The following LAMA4 variants were observed in gnomAD, a reference collection of about 807,000 sequenced individuals.
The protein encoded by LAMA4 is laminin subunit alpha 4.
Under a neutral mutation model 207.1 loss-of-function variants are expected in LAMA4, and 127 were observed. That is an observed-to-expected ratio of 0.61 (90% CI 0.53 to 0.71). The LOEUF (loss-of-function observed/expected upper bound fraction) is 0.71, where lower values mean the gene tolerates loss of function less well. Among genes scored for constraint, LAMA4 ranks in the 30% least tolerant of loss-of-function variants. LAMA4 has a pLI of 0.00. For synonymous variants in LAMA4, 761 were observed against 816.0 expected, an observed-to-expected ratio of 0.93 and a Z score of 1.15; for missense variants, 2,093 against 2,246.5, an observed-to-expected ratio of 0.93 and a Z score of 1.38.
intron 18 of LAMA4, among the ~76,000 whole-genome samples, chr6:112,145,656 C>T (rs1261022558): frequency 2.0e-5 from 3 of 152,182 alleles, no homozygotes; most frequent in African/African-American, 7.2e-5. Flanking sequence ...ACCCACTCCA[C>T]TCAGACCTCA....
chr6:112,124,722 A>G (rs954201498), intron 31 of LAMA4, among the ~76,000 whole-genome samples: 8 of 152,084 alleles, frequency 5.3e-5, no homozygotes, highest in African/African-American at 1.9e-4. Flanking sequence ...GCTACTGAAG[A>G]AAAAGACAGC....
At chr6:112,158,688 T>G in intron 14 of LAMA4, 44 bp downstream of exon 14, 1 of 1,543,686 alleles carries the variant, frequency 6.5e-7, no homozygotes, top group African/African-American at 1.4e-5. Context: ...TAATATTTTA[T>G]TCACCCCATG....
chr6:112,141,266 GTA>G (rs782221365), intron 21 of LAMA4, 90 bp downstream of exon 21: 209 of 1,145,408 alleles, frequency 1.8e-4, no homozygotes, highest in African/African-American at 3.7e-4. Context: ...GGAAGACTGT[GTA>G]TGTGTGTGTG....
At chr6:112,246,538 T>C in intron 2 of LAMA4, among the ~76,000 whole-genome samples, 1 of 135,006 alleles carries the variant, frequency 7.4e-6, no homozygotes, top group East Asian at 2.1e-4. Context: ...TTTTTTTTTT[T>C]GAGATAGAGT....
chr6:112,173,648 G>A (rs1250388659), intron 11 of LAMA4, among the ~76,000 whole-genome samples: 2 of 152,030 alleles, frequency 1.3e-5, no homozygotes, highest in Non-Finnish European at 2.9e-5. Flanking sequence ...TCAGAACTGG[G>A]GCCTGAGATT....
chr6:112,175,615 T>A, intron 10 of LAMA4, 135 bp from the exon 11 acceptor site: 1 of 859,492 alleles, frequency 1.2e-6, no homozygotes, highest in Non-Finnish European at 1.9e-6. Context: ...AAAAGCAGCG[T>A]GCTAGTGTTC....
At chr6:112,145,320 C>T (rs782046709) in intron 18 of LAMA4, among the ~76,000 whole-genome samples, 4 of 152,228 alleles carry the variant, frequency 2.6e-5, no homozygotes, top group African/African-American at 4.8e-5. Flanking sequence ...GTCTTGCAGA[C>T]GGACAGAGGG....
intron 8 of LAMA4, chr6:112,186,912 G>A (rs1455830664): frequency 4.4e-6 from 2 of 455,428 alleles, no homozygotes; most frequent in Admixed American, 2.4e-5. Flanking sequence ...GTAGAGCTAT[G>A]AGGAGAAACA....
At chr6:112,146,975 T>C (rs978553131) in intron 18 of LAMA4, among the ~76,000 whole-genome samples, 13 of 152,254 alleles carry the variant, frequency 8.5e-5, no homozygotes, top group African/African-American at 2.9e-4. Context: ...TACAATCAAT[T>C]CTCTTAGAAA....
chr6:112,179,788 C>A, intron 9 of LAMA4: 1 of 339,250 alleles, frequency 2.9e-6, no homozygotes, highest in South Asian at 2.7e-5. Flanking sequence ...AGGGTAATCC[C>A]CTCCCTACAG....
Position 112,254,268 on chromosome 6 carries a change from C to G in LAMA4, c.-118G>C. On this transcript the variant is annotated 5_prime_UTR_variant, in exon 2 of 39. Coordinates refer to ENST00000230538, the MANE Select transcript of LAMA4 (RefSeq NM_001105206.3). ...TTCCCTCCTCTCCGTGTGCAGTATC[C>G]CGAGGTGGCTGCGCAACCAGCAGCT... 9 of 1,309,766 alleles carry G rather than the reference C, an allele frequency of 6.9e-6. 1 individual carries two copies. In the South Asian group the frequency reaches 1.1e-4, roughly 16 times the overall value. The allele number at this position is 1,309,766 out of a possible 1,614,324, so 81.1% of individuals were successfully genotyped here.
chr6:112,185,237 C>A lies in LAMA4; in HGVS notation c.1077G>T (p.Lys359Asn). Reference sequence around the variant, plus strand: ...AGAAACTGAATACATACATACGTACCTTTTCAACTAATTCCTCTACGTCAG... The same window carrying A: ...AGAAACTGAATACATACATACGTACATTTTCAACTAATTCCTCTACGTCAG... ...LLSDVEELVE[K>N]ENQASRKGQL... is the part of the protein sequence containing the mutation. The change falls in exon 9 of 39, where the codon AAG (lysine) becomes AAT (asparagine). Residue 359 changes from lysine to asparagine, a missense_variant and splice_region_variant. By Grantham distance (94) the Lys-to-Asn change is moderately conservative. Around this residue, in one of 3 missense-constraint regions of LAMA4, gnomAD observed 1,704 missense variants for 1,788.4 expected, o/e 0.95. Transcript: ENST00000230538. The A allele has an allele frequency of 6.3e-7, 1 of 1,578,456 alleles. No individual in the cohort carries two copies. Among genetic ancestry groups the A allele is most frequent in the Non-Finnish European group, 8.7e-7 (1 of 1,147,658 alleles).
In LAMA4 at chr6:112,140,888, G is replaced by A. The variant is rs1554332993; in HGVS notation, c.2848C>T (p.Pro950Ser). Residue 950 changes from proline (P) to serine (S), a missense_variant, in exon 22 of 39, where the codon CCG becomes TCG. Physicochemically the swap from Pro to Ser is moderately conservative, Grantham distance 74. Around this residue, in one of 3 missense-constraint regions of LAMA4, gnomAD observed 1,704 missense variants for 1,788.4 expected, o/e 0.95. Transcript: ENST00000230538. ...GKHGKVFLTV[P>S]SLSSTAEEKF... ...TCCTCTGCTGTGCTACTTAGACTCG[G>A]GACTGTTAAAAACACCTTTCCATGT... 3 of 1,613,556 alleles carry A rather than the reference G, an allele frequency of 1.9e-6. No homozygotes were observed. The highest frequency in any genetic ancestry group is 2.5e-6 in the Non-Finnish European group (3 of 1,179,748).
chr6:112,182,656 A>T (rs918921299), intron 9 of LAMA4, among the ~76,000 whole-genome samples: 1 of 152,184 alleles, frequency 6.6e-6, no homozygotes. Context: ...GAGATGGTGC[A>T]GTACCTCCTG....
chr6:112,109,171 A>G lies in LAMA4; in HGVS notation c.*266T>C, dbSNP rs1777562872. On this transcript the variant is annotated 3_prime_UTR_variant, in exon 39 of 39. Transcript: ENST00000230538. The stretch of plus-strand genomic sequence containing the variant: ...CTATTTTATTAGAAACAGAAACAGT[A>G]ATTTCACCAGTAGGAATTGCGTGTG... 4.2e-6 allele frequency: 2 copies of G among 477,460 alleles called. No individual in the cohort carries two copies. Among genetic ancestry groups the G allele is most frequent in the Non-Finnish European group, 7.6e-6 (2 of 262,408 alleles). 29.6% of individuals were successfully genotyped at this position (477,460 alleles called of 1,614,324 possible). A position where few individuals can be genotyped will look rare whatever the true frequency, so the allele number is the denominator to read the frequency against.
At chr6:112,165,424 A>T (rs1781330191) in intron 12 of LAMA4, 148 bp from the exon 13 acceptor site, 1 of 705,070 alleles carries the variant, frequency 1.4e-6, no homozygotes, top group Admixed American at 1.9e-5. Context: ...GCCTTTGGGG[A>T]ATGCTACCTG....
At chr6:112,133,312 G>A in intron 27 of LAMA4, 37 bp downstream of exon 27, 1 of 1,607,312 alleles carries the variant, frequency 6.2e-7, no homozygotes, top group Non-Finnish European at 8.5e-7. Flanking sequence ...GATAAGTATT[G>A]TGTCTATTAA....
At position 112,132,828 on chromosome 6, in the gene LAMA4, G is replaced by A; in HGVS notation, c.3759C>T (p.Phe1253=). The A allele has an allele frequency of 1.9e-6, 3 of 1,612,502 alleles. No homozygotes were observed. The highest frequency in any genetic ancestry group is 2.5e-6 in the Non-Finnish European group (3 of 1,178,686). ...TAAAACCTCCTTCAAAGCCATCAAA[G>A]AAAGATATTTTCTGAATTGAAGCAA... is the stretch of plus-strand genomic sequence containing the variant. ...SFIASIQKIS[F]FDGFEGGFNF... Residue 1253 remains phenylalanine, a synonymous_variant, in exon 28 of 39, where the codon TTC becomes TTT. Transcript: ENST00000230538.
chr6:112,124,129 A>G (rs932750459), intron 31 of LAMA4, among the ~76,000 whole-genome samples: 5 of 152,232 alleles, frequency 3.3e-5, no homozygotes, highest in East Asian at 1.9e-4. Flanking sequence ...CCAGCTGGAA[A>G]TACTTTGCAC....
Sources: gnomAD v4.1 joint callset for allele counts (sites outside exome capture counted in the v4.1 genomes callset) on GRCh38, gnomAD v4.1.1 for gene constraint, gnomAD v4.1.1 regional missense constraint, MANE v1.5 for transcripts, NCBI Gene and HGNC (gene_info 2026-07-23, HGNC 2026-07-21) for gene names.